SYNRG: variants seen among roughly 807,000 people sequenced by gnomAD.
SYNRG encodes the protein synergin gamma, also known as AP1 gamma subunit binding protein 1.
A neutral mutation model predicts 130.9 loss-of-function variants in SYNRG; 37 were observed. That is an observed-to-expected ratio of 0.28 (90% confidence interval 0.22 to 0.37). SYNRG has a LOEUF of 0.37. Among genes scored for constraint, SYNRG ranks in the 10% least tolerant of loss-of-function variants. The pLI is 1.00. For synonymous variants in SYNRG, 539 were observed against 568.1 expected (o/e 0.95, Z 0.73); for missense variants, 1,338 against 1,588.9 (o/e 0.84, Z 2.68).
At chr17:37,573,477 A>G (rs1391140808) in intron 8 of SYNRG, among the ~76,000 whole-genome samples, 1 of 152,210 alleles carries the variant, frequency 6.6e-6, no homozygotes, top group Non-Finnish European at 1.5e-5. Flanking sequence ...TAGTCTTCTA[A>G]GGAAGAGGGC....
Position 37,520,353 on chromosome 17 carries a change from C to G in SYNRG, c.3778-139G>C. ...GTGCTGCAGGCATGAGAGCCGCGTC[C>G]ATTCCCTCCACAGCTCCCCCGCTGC... On this transcript the variant is annotated intron_variant, in intron 20 of 21. Transcript: ENST00000612223. 3 of 1,202,108 alleles carry G rather than the reference C, an allele frequency of 2.5e-6. No homozygotes were observed. The South Asian group carries it at 3.8e-5, about 15-fold the overall frequency. The allele number at this position is 1,202,108 out of a possible 1,614,324, so 74.5% of individuals were successfully genotyped here.
At chr17:37,592,875 T>C (rs978691724) in intron 3 of SYNRG, among the ~76,000 whole-genome samples, 2 of 152,186 alleles carry the variant, frequency 1.3e-5, no homozygotes, top group Non-Finnish European at 2.9e-5. Context: ...GTTGTGTTAC[T>C]ATATTTCTAC....
chr17:37,573,205 C>G (rs1024748161), intron 8 of SYNRG, among the ~76,000 whole-genome samples: 26 of 151,998 alleles, frequency 1.7e-4, no homozygotes, highest in Non-Finnish European at 2.9e-5. Context: ...AGTTCGAGAC[C>G]AGCCTAGCCA....
At chr17:37,556,279 A>G (rs1598319522) in intron 13 of SYNRG, among the ~76,000 whole-genome samples, 2 of 151,890 alleles carry the variant, frequency 1.3e-5, no homozygotes, top group Middle Eastern at 3.4e-3. Flanking sequence ...GTGAAACCCC[A>G]TCTCTACTAA....
Position 37,540,444 on chromosome 17 carries a change from A to G in SYNRG, c.3302T>C (p.Leu1101Pro). The change falls in exon 16 of 22, where the codon CTG becomes CCG. Residue 1101 changes from leucine (L) to proline (P), a missense_variant. Leu to Pro is a moderately conservative substitution (Grantham distance 98). Around this residue, in one of 3 missense-constraint regions of SYNRG, gnomAD observed 1,146 missense variants for 1,342.3 expected, o/e 0.85. Transcript: ENST00000612223. ...EQPFRDRSNT[L>P]NEKPALPVIR... ...GACGGGCAGGGCGGGCTTCTCATTC[A>G]GAGTATTGGAACGGTCTCTGAAAGG... is the stretch of plus-strand genomic sequence containing the variant. 1 of 1,613,900 alleles carries G rather than the reference A, an allele frequency of 6.2e-7. No individual in the cohort carries two copies. Among genetic ancestry groups the G allele is most frequent in the Non-Finnish European group, 8.5e-7 (1 of 1,179,930 alleles).
chr17:37,570,143 CTTTT>C (rs11320959), intron 10 of SYNRG, among the ~76,000 whole-genome samples: 120 of 113,782 alleles, frequency 1.1e-3, no homozygotes, highest in African/African-American at 3.0e-3. Flanking sequence ...CATGCTGAGG[CTTTT>C]TTTTTTTTTT....
chr17:37,576,191 TATTTA>T, intron 8 of SYNRG, 145 bp downstream of exon 8: 1 of 667,282 alleles, frequency 1.5e-6, no homozygotes, highest in Non-Finnish European at 2.5e-6. Context: ...ACACGACATT[TATTTA>T]ATTTCTGTAC....
intron 16 of SYNRG, 54 bp downstream of exon 16, chr17:37,540,326 C>A: frequency 6.3e-7 from 1 of 1,584,876 alleles, no homozygotes; most frequent in Middle Eastern, 2.2e-4. Context: ...TTTCTTGGGG[C>A]CCTGTGTGCT....
At chr17:37,560,013 T>C (rs1385455558) in intron 13 of SYNRG, among the ~76,000 whole-genome samples, 1 of 152,098 alleles carries the variant, frequency 6.6e-6, no homozygotes, top group Non-Finnish European at 1.5e-5. Flanking sequence ...TCCTCCCACC[T>C]CAGCCTCTGG....
intron 13 of SYNRG, among the ~76,000 whole-genome samples, chr17:37,557,931 T>G (rs2059240945): frequency 6.6e-6 from 1 of 152,208 alleles, no homozygotes; most frequent in South Asian, 2.1e-4. Context: ...TATTGTCTAT[T>G]ACGGGAATAC....
At chr17:37,558,626 TCTTC>T (rs913932126) in intron 13 of SYNRG, among the ~76,000 whole-genome samples, 3 of 152,228 alleles carry the variant, frequency 2.0e-5, no homozygotes, top group African/African-American at 7.2e-5. Flanking sequence ...AATCCCTCTC[TCTTC>T]ATCTTTCTCA....
At chr17:37,529,692 A>G in intron 19 of SYNRG, 1 of 1,234,832 alleles carries the variant, frequency 8.1e-7, no homozygotes, top group Admixed American at 2.1e-5. Context: ...TACCTCAAGA[A>G]GTAAACGCAC....
chr17:37,552,654 C>A (rs2058796081), intron 14 of SYNRG, among the ~76,000 whole-genome samples: 1 of 152,140 alleles, frequency 6.6e-6, no homozygotes, highest in African/African-American at 2.4e-5. Context: ...TTTTTACTTT[C>A]TTGACCTAAC....
intron 2 of SYNRG, among the ~76,000 whole-genome samples, chr17:37,599,100 C>T (rs2063036435): frequency 6.6e-6 from 1 of 152,204 alleles, no homozygotes; most frequent in African/African-American, 2.4e-5. Context: ...TATCTTTTAT[C>T]TCTACTGCTG....
intron 16 of SYNRG, among the ~76,000 whole-genome samples, chr17:37,539,996 G>A (rs1274462053): frequency 6.6e-6 from 1 of 152,204 alleles, no homozygotes; most frequent in Non-Finnish European, 1.5e-5. Context: ...ACCATAGGAG[G>A]AACATAGCGT....
chr17:37,556,546 GAA>G (rs11330451), intron 13 of SYNRG, among the ~76,000 whole-genome samples: 13 of 145,800 alleles, frequency 8.9e-5, no homozygotes, highest in African/African-American at 2.0e-4. Flanking sequence ...TATAGCAGAT[GAA>G]AAAAAAAAAG....
At chr17:37,520,696 G>A (rs781167220) in intron 19 of SYNRG, 48 bp from the exon 20 acceptor site, 15 of 1,493,020 alleles carry the variant, frequency 1.0e-5, no homozygotes, top group East Asian at 2.3e-5. Flanking sequence ...AAGTCCACAC[G>A]CTGTTCACTT....
At chr17:37,544,858 G>A (rs61053647) in intron 14 of SYNRG, among the ~76,000 whole-genome samples, 3 of 152,156 alleles carry the variant, frequency 2.0e-5, no homozygotes, top group East Asian at 1.9e-4. Context: ...TACTAGGCCC[G>A]ACGAAAGCGT....
chr17:37,603,395 G>A (rs1296957429), intron 1 of SYNRG, among the ~76,000 whole-genome samples: 1 of 152,030 alleles, frequency 6.6e-6, no homozygotes, highest in Non-Finnish European at 1.5e-5. Flanking sequence ...AATTATAATG[G>A]TGATTCTTTT....
Sources: gnomAD v4.1 joint callset for allele counts (sites outside exome capture counted in the v4.1 genomes callset) on GRCh38, gnomAD v4.1.1 for gene constraint, gnomAD v4.1.1 regional missense constraint, MANE v1.5 for transcripts, NCBI Gene and HGNC (gene_info 2026-07-23, HGNC 2026-07-21) for gene names.